The following DAB1 variants were observed in gnomAD, a reference collection of about 807,000 sequenced individuals.
DAB1 encodes the protein disabled homolog 1.
A neutral mutation model predicts 64.6 loss-of-function variants in DAB1; 15 were observed. The observed-to-expected ratio is 0.23, with a 90% CI of 0.16 to 0.36. The LOEUF (loss-of-function observed/expected upper bound fraction) is 0.36, where lower values mean the gene tolerates loss of function less well. DAB1 is among the 10% of genes least tolerant of loss of function. The probability of loss-of-function intolerance (pLI) is 1.00; values close to 1 mark genes in which losing one functional copy is unlikely to be tolerated. For synonymous variants in DAB1, 235 were observed against 251.9 expected (o/e 0.93, Z 0.64); for missense variants, 596 against 706.7 (o/e 0.84, Z 1.78).
intron 1 of DAB1, among the ~76,000 whole-genome samples, chr1:57,293,755 C>T (rs1013458209): frequency 1.5e-5 from 2 of 135,956 alleles, no homozygotes; most frequent in Non-Finnish European, 3.2e-5. Flanking sequence ...GGATTTTACA[C>T]ATTTTCAAGA....
chr1:57,327,441 C>T (rs146837502), intron 1 of DAB1, among the ~76,000 whole-genome samples: 25 of 152,208 alleles, frequency 1.6e-4, no homozygotes, highest in African/African-American at 5.3e-4. Flanking sequence ...ATAATTTTCC[C>T]GAGTGTGTGA....
intron 6 of DAB1, among the ~76,000 whole-genome samples, chr1:57,699,557 A>C (rs1296948534): frequency 6.6e-6 from 1 of 152,210 alleles, no homozygotes. Flanking sequence ...GAAGCAAGAC[A>C]AAATGCAGAG....
At chr1:57,313,512 C>A (rs951973838) in intron 1 of DAB1, among the ~76,000 whole-genome samples, 1 of 152,108 alleles carries the variant, frequency 6.6e-6, no homozygotes, top group African/African-American at 2.4e-5. Context: ...GGGCCTGAGG[C>A]ACTGTGCCTG....
intron 3 of DAB1, among the ~76,000 whole-genome samples, chr1:58,349,632 T>C (rs925149424): frequency 1.3e-4 from 20 of 151,806 alleles, no homozygotes; most frequent in Non-Finnish European, 2.9e-4. Context: ...CGACAGGCCC[T>C]GGTGTGTGAT....
chr1:57,818,218 A>C (rs951159283), intron 6 of DAB1, among the ~76,000 whole-genome samples: 1 of 152,210 alleles, frequency 6.6e-6, no homozygotes, highest in Non-Finnish European at 1.5e-5. Context: ...TGGAAATAGA[A>C]ATATCAAAAT....
chr1:57,930,599 C>T (rs766654638), intron 5 of DAB1, among the ~76,000 whole-genome samples: 8 of 152,006 alleles, frequency 5.3e-5, no homozygotes, highest in Non-Finnish European at 4.4e-5. Flanking sequence ...TATTTTTTGT[C>T]AGATTTACAA....
At chr1:57,158,623 C>T (rs1404769179) in intron 2 of DAB1, among the ~76,000 whole-genome samples, 2 of 152,132 alleles carry the variant, frequency 1.3e-5, no homozygotes, top group African/African-American at 4.8e-5. Flanking sequence ...TTATTTTACT[C>T]TAAATTCTAT....
At chr1:58,297,989 T>C (rs1662031625) in intron 4 of DAB1, among the ~76,000 whole-genome samples, 1 of 152,174 alleles carries the variant, frequency 6.6e-6, no homozygotes, top group Admixed American at 6.5e-5. Context: ...ATCAACCAGA[T>C]GACCCTAAAA....
intron 1 of DAB1, among the ~76,000 whole-genome samples, chr1:57,390,831 T>C (rs1489722878): frequency 1.3e-5 from 2 of 152,234 alleles, no homozygotes; most frequent in African/African-American, 4.8e-5. Flanking sequence ...TAGCCATGCA[T>C]ACTATGATCC....
intron 8 of DAB1, 143 bp from the exon 9 acceptor site, chr1:57,063,086 T>G: frequency 1.5e-6 from 1 of 678,384 alleles, no homozygotes; most frequent in Non-Finnish European, 2.6e-6. Context: ...CTGCTCTAAT[T>G]GTGAAAGTAT....
At chr1:57,351,954 G>C (rs1678624286) in intron 1 of DAB1, among the ~76,000 whole-genome samples, 1 of 152,122 alleles carries the variant, frequency 6.6e-6, no homozygotes, top group Non-Finnish European at 1.5e-5. Context: ...TAGTCAGAAA[G>C]AAAATGAAGC....
chr1:57,091,815 C>A (rs1435919902), intron 4 of DAB1, among the ~76,000 whole-genome samples: 1 of 152,220 alleles, frequency 6.6e-6, no homozygotes, highest in Non-Finnish European at 1.5e-5. Context: ...GAAACAGTTC[C>A]TGGCACCTAA....
At chr1:57,794,377 C>A (rs1221233556) in intron 6 of DAB1, among the ~76,000 whole-genome samples, 1 of 152,216 alleles carries the variant, frequency 6.6e-6, no homozygotes, top group African/African-American at 2.4e-5. Flanking sequence ...TCCTCCAACA[C>A]ATCCTTCAGT....
At chr1:57,359,024 C>A (rs924631526) in intron 1 of DAB1, among the ~76,000 whole-genome samples, 5 of 151,940 alleles carry the variant, frequency 3.3e-5, no homozygotes, top group African/African-American at 1.2e-4. Flanking sequence ...AGAAAAGCTC[C>A]ATGACACTGG....
intron 5 of DAB1, among the ~76,000 whole-genome samples, chr1:58,010,471 T>C (rs959222141): frequency 6.6e-6 from 1 of 152,170 alleles, no homozygotes. Context: ...ATTTGAACAC[T>C]TGTCGGTTTT....
At chr1:58,449,209 C>T (rs375719419) in intron 3 of DAB1, among the ~76,000 whole-genome samples, 1 of 152,124 alleles carries the variant, frequency 6.6e-6, no homozygotes, top group Non-Finnish European at 1.5e-5. Context: ...GGGTTGGAAT[C>T]GAGGAGAAAA....
chr1:57,150,224 C>T (rs945431015), intron 2 of DAB1, among the ~76,000 whole-genome samples: 1 of 152,188 alleles, frequency 6.6e-6, no homozygotes, highest in Non-Finnish European at 1.5e-5. Context: ...AAATAGCATA[C>T]AAGACAGTGA....
At chr1:57,807,276 G>A (rs780357416) in intron 6 of DAB1, among the ~76,000 whole-genome samples, 5 of 151,986 alleles carry the variant, frequency 3.3e-5, no homozygotes, top group Non-Finnish European at 5.9e-5. Context: ...ATCTGGGAGG[G>A]CCCTATAACT....
At chr1:58,022,042 C>T (rs1041604371) in intron 5 of DAB1, among the ~76,000 whole-genome samples, 2 of 152,188 alleles carry the variant, frequency 1.3e-5, no homozygotes, top group African/African-American at 4.8e-5. Context: ...AGAATTTAGG[C>T]TATTAGCTGC....
Sources: gnomAD v4.1 joint callset for allele counts (sites outside exome capture counted in the v4.1 genomes callset) on GRCh38, gnomAD v4.1.1 for gene constraint, MANE v1.5 for transcripts, NCBI Gene and HGNC (gene_info 2026-07-23, HGNC 2026-07-21) for gene names.